Variants in PLGRKT observed in about 807,000 individuals in gnomAD.
PLGRKT encodes the protein plasminogen receptor with a C-terminal lysine.
A neutral mutation model predicts 18.5 loss-of-function variants in PLGRKT; 22 were observed. The ratio of observed to expected loss-of-function variants is 1.19; its 90% CI spans 0.85 to 1.70. The LOEUF is 1.70. Ranked by LOEUF, PLGRKT falls within the 40% of genes most tolerant of loss-of-function variation. The probability of loss-of-function intolerance (pLI) is 0.00; values close to 1 mark genes in which losing one functional copy is unlikely to be tolerated. For synonymous variants in PLGRKT, 72 were observed against 52.8 expected (o/e 1.36, Z -1.58); for missense variants, 235 against 174.4 (o/e 1.35, Z -1.96).
In PLGRKT at chr9:5,418,508, G is replaced by C. The variant is rs10815215; in HGVS notation, c.81+13389C>G. ...CACATGGAGCTTTTCACCATGCCCC[G>C]CCTGTCCTGCTCCTCCTCCGCCACC... On this transcript the variant is annotated intron_variant, in intron 3 of 5. Coordinates refer to ENST00000223864, the MANE Select transcript of PLGRKT (RefSeq NM_018465.4). The surrounding 1 kb of genome is among the most constrained non-coding windows in gnomAD (Gnocchi z 4.2). 7.6e-6 allele frequency: 8 copies of C among 1,055,924 alleles called. No individual in the cohort carries two copies. In the Admixed American group the frequency reaches 1.4e-4, roughly 18 times the overall value. 65.4% of individuals were successfully genotyped at this position (1,055,924 alleles called of 1,614,324 possible).
Position 5,357,973 on chromosome 9 carries a change from C to T in PLGRKT, c.*266G>A, listed in dbSNP as rs529608305. 3.5e-4 allele frequency: 90 copies of T among 260,406 alleles called. No homozygotes were observed. Among genetic ancestry groups the T allele is most frequent in the African/African-American group, 1.9e-3 (87 of 44,714 alleles). 16.1% of individuals were successfully genotyped at this position (260,406 alleles called of 1,614,324 possible). ...AATGAGAGCAGCTGGGCATTTGCTT[C>T]CAGGAATTCAAAACAATTTATTAAT... On this transcript the variant is annotated 3_prime_UTR_variant, in exon 6 of 6. Coordinates refer to ENST00000223864, the MANE Select transcript of PLGRKT (RefSeq NM_018465.4).
At chr9:5,427,343 G>A (rs1818722335) in intron 3 of PLGRKT, among the ~76,000 whole-genome samples, 1 of 152,074 alleles carries the variant, frequency 6.6e-6, no homozygotes, top group Non-Finnish European at 1.5e-5. Context: ...GAGTAGTGAT[G>A]CTGGCAATTT....
In PLGRKT at chr9:5,385,749, A is replaced by G. The variant is rs779790594; in HGVS notation, c.82-23861T>C. Among the ~76,000 whole-genome samples the G allele has an allele frequency of 3.3e-5, 5 of 151,830 alleles. No individual in the cohort carries two copies. In the East Asian group the frequency reaches 7.7e-4, roughly 23 times the overall value. On this transcript the variant is annotated intron_variant, in intron 3 of 5. Transcript: ENST00000223864. ...ATTTGTGGTCTATTTTTGAGAGGCAATTCTCCACGGATCTCCCACATCTCT... is the reference window on the plus strand; with the variant it reads ...ATTTGTGGTCTATTTTTGAGAGGCAGTTCTCCACGGATCTCCCACATCTCT...
At chr9:5,372,833 G>A (rs1817548543) in intron 3 of PLGRKT, among the ~76,000 whole-genome samples, 1 of 152,176 alleles carries the variant, frequency 6.6e-6, no homozygotes, top group Non-Finnish European at 1.5e-5. Context: ...TGCTATTAGG[G>A]AGTTGGAATG....
intron 3 of PLGRKT, among the ~76,000 whole-genome samples, chr9:5,376,427 G>T (rs1817629280): frequency 6.6e-6 from 1 of 152,104 alleles, no homozygotes; most frequent in South Asian, 2.1e-4. Context: ...TTCCTTATCT[G>T]TAAAATATGG....
At chr9:5,407,974 C>A (rs1818287610) in intron 3 of PLGRKT, among the ~76,000 whole-genome samples, 1 of 152,096 alleles carries the variant, frequency 6.6e-6, no homozygotes, top group Non-Finnish European at 1.5e-5. Flanking sequence ...ATTGCCTAAT[C>A]TGTATATAGA....
chr9:5,415,829 G>A (rs559865886), intron 3 of PLGRKT, among the ~76,000 whole-genome samples: 1 of 151,828 alleles, frequency 6.6e-6, no homozygotes, highest in East Asian at 1.9e-4. Flanking sequence ...AAAAGGCAAG[G>A]AAAGAAAGAA....
intron 3 of PLGRKT, among the ~76,000 whole-genome samples, chr9:5,396,908 G>A (rs1264899190): frequency 2.0e-5 from 3 of 151,896 alleles, no homozygotes; most frequent in Non-Finnish European, 4.4e-5. Flanking sequence ...GTGAGTTGAA[G>A]AATCACAACA....
chr9:5,403,856 C>G (rs1818203823), intron 3 of PLGRKT, among the ~76,000 whole-genome samples: 1 of 152,174 alleles, frequency 6.6e-6, no homozygotes, highest in South Asian at 2.1e-4. Context: ...TGGCCTCTGC[C>G]TGTTCATAGG....
chr9:5,413,517 G>C (rs1818403478), intron 3 of PLGRKT, among the ~76,000 whole-genome samples: 1 of 152,174 alleles, frequency 6.6e-6, no homozygotes, highest in Admixed American at 6.5e-5. Context: ...AAGAGAGTCA[G>C]AATTAGAGAG....
At chr9:5,375,655 T>C (rs1209461444) in intron 3 of PLGRKT, among the ~76,000 whole-genome samples, 2 of 152,212 alleles carry the variant, frequency 1.3e-5, no homozygotes, top group Non-Finnish European at 2.9e-5. Context: ...GGATGACTAT[T>C]ATCCAAAATA....
intron 3 of PLGRKT, among the ~76,000 whole-genome samples, chr9:5,373,968 C>G (rs952383859): frequency 1.3e-5 from 2 of 152,078 alleles, no homozygotes; most frequent in Non-Finnish European, 2.9e-5. Flanking sequence ...CTTCAAATCC[C>G]ATATTTGTTC....
At chr9:5,407,778 C>T (rs556237003) in intron 3 of PLGRKT, among the ~76,000 whole-genome samples, 5 of 152,172 alleles carry the variant, frequency 3.3e-5, no homozygotes, top group African/African-American at 4.8e-5. Context: ...TAGATAGGAT[C>T]TTGAAATAAT....
chr9:5,400,078 CA>C (rs1039641538), intron 3 of PLGRKT, among the ~76,000 whole-genome samples: 1 of 151,412 alleles, frequency 6.6e-6, no homozygotes, highest in Non-Finnish European at 1.5e-5. Flanking sequence ...GTTATATGTG[CA>C]AAAAAAATTC....
intron 3 of PLGRKT, among the ~76,000 whole-genome samples, chr9:5,379,442 T>C (rs1817694139): frequency 6.6e-6 from 1 of 152,196 alleles, no homozygotes; most frequent in African/African-American, 2.4e-5. Flanking sequence ...ATTAACAATT[T>C]AGTTTCTCAG....
At chr9:5,429,828 T>C (rs939544997) in intron 3 of PLGRKT, among the ~76,000 whole-genome samples, 2 of 152,158 alleles carry the variant, frequency 1.3e-5, no homozygotes, top group African/African-American at 4.8e-5. Flanking sequence ...GGGGACGCAA[T>C]CGTTGGTCTG....
At chr9:5,382,669 C>G (rs1445418728) in intron 3 of PLGRKT, among the ~76,000 whole-genome samples, 2 of 152,182 alleles carry the variant, frequency 1.3e-5, no homozygotes, top group East Asian at 1.9e-4. Flanking sequence ...TGAAACAGAA[C>G]AGTGACATGA....
intron 3 of PLGRKT, among the ~76,000 whole-genome samples, chr9:5,362,808 A>T (rs1244313356): frequency 6.6e-6 from 1 of 152,096 alleles, no homozygotes; most frequent in Non-Finnish European, 1.5e-5. Context: ...TCCTTGGCCT[A>T]TTTGGGAGGT....
chr9:5,360,383 G>C (rs1817236880), intron 5 of PLGRKT, among the ~76,000 whole-genome samples: 1 of 152,108 alleles, frequency 6.6e-6, no homozygotes, highest in African/African-American at 2.4e-5. Flanking sequence ...TCTGTTTCAA[G>C]GATGGCTCTG....
Sources: allele counts gnomAD v4.1 joint callset (sites outside exome capture counted in the v4.1 genomes callset), GRCh38; gene constraint gnomAD v4.1.1; non-coding constraint Gnocchi (gnomAD v3.1); transcripts MANE v1.5; gene names NCBI Gene and HGNC (gene_info 2026-07-23, HGNC 2026-07-21).